Variants in ASB3 observed in about 807,000 individuals in gnomAD.
The protein encoded by ASB3 is ankyrin repeat and SOCS box protein 3.
In ASB3, 41 loss-of-function variants were observed where a neutral mutation model predicts 54.5. The ratio of observed to expected loss-of-function variants is 0.75; its 90% CI spans 0.59 to 0.98. ASB3 has a LOEUF of 0.98. Among genes scored for constraint, ASB3 ranks in the 50% least tolerant of loss-of-function variants. The pLI, the probability that ASB3 is intolerant of heterozygous loss-of-function variation, is 0.00. For missense variants in ASB3, 733 were observed against 620.0 expected (o/e 1.18, Z -1.94); for synonymous variants, 266 against 221.2 (o/e 1.20, Z -1.80).
At chr2:53,740,711 G>A (rs532016701) in intron 3 of ASB3, among the ~76,000 whole-genome samples, 5 of 152,230 alleles carry the variant, frequency 3.3e-5, no homozygotes, top group Admixed American at 2.0e-4. Context: ...ACGTTGTGGC[G>A]AATATCCCAA....
At chr2:53,710,603 C>G (rs540837065) in intron 7 of ASB3, among the ~76,000 whole-genome samples, 1 of 152,296 alleles carries the variant, frequency 6.6e-6, no homozygotes, top group South Asian at 2.1e-4. Flanking sequence ...ATTCTGAGTC[C>G]TGGGTCTTGT....
At chr2:53,745,685 G>T (rs1672184018) in intron 3 of ASB3, among the ~76,000 whole-genome samples, 1 of 152,162 alleles carries the variant, frequency 6.6e-6, no homozygotes. Flanking sequence ...CTAGCAATAG[G>T]CTAGTGCTAA....
Position 53,670,283 on chromosome 2 carries a change from A to G in ASB3, c.*220T>C. The G allele has an allele frequency of 2.3e-6, 1 of 437,804 alleles. No individual in the cohort carries two copies. Among genetic ancestry groups the G allele is most frequent in the South Asian group, 4.1e-5 (1 of 24,642 alleles). The allele number at this position is 437,804 out of a possible 1,614,324, so 27.1% of individuals were successfully genotyped here. A position where few individuals can be genotyped will look rare whatever the true frequency, so the allele number is the denominator to read the frequency against. On this transcript the variant is annotated 3_prime_UTR_variant, in exon 10 of 10. Coordinates refer to ENST00000263634, the MANE Select transcript of ASB3 (RefSeq NM_016115.5). Reference sequence around the variant, plus strand: ...AAGCTGCAATAAAGTAATATAAGTGATGTTTACAATTTTTTTTTTTTTTTT... The same window carrying G: ...AAGCTGCAATAAAGTAATATAAGTGGTGTTTACAATTTTTTTTTTTTTTTT...
At chr2:53,709,474 G>A (rs1270220737) in intron 7 of ASB3, among the ~76,000 whole-genome samples, 1 of 152,204 alleles carries the variant, frequency 6.6e-6, no homozygotes, top group Non-Finnish European at 1.5e-5. Flanking sequence ...ATACCAGAAA[G>A]AGGAGGGAAG....
chr2:53,784,687 T>C (rs1360093768), intron 1 of ASB3, among the ~76,000 whole-genome samples: 1 of 152,164 alleles, frequency 6.6e-6, no homozygotes, highest in African/African-American at 2.4e-5. Flanking sequence ...TCCCTGTGTG[T>C]CCATGTGTAT....
At chr2:53,747,427 T>A (rs1054701571) in intron 3 of ASB3, among the ~76,000 whole-genome samples, 1 of 152,082 alleles carries the variant, frequency 6.6e-6, no homozygotes, top group African/African-American at 2.4e-5. Context: ...GGGCTTGTAA[T>A]CCCAGCTACT....
intron 5 of ASB3, among the ~76,000 whole-genome samples, chr2:53,727,063 T>C (rs908093738): frequency 2.0e-5 from 3 of 152,134 alleles, no homozygotes; most frequent in African/African-American, 7.2e-5. Context: ...AGAAGGAAGA[T>C]CAGAAGTCAG....
At chr2:53,783,867 T>C (rs1674789202) in intron 1 of ASB3, among the ~76,000 whole-genome samples, 1 of 152,058 alleles carries the variant, frequency 6.6e-6, no homozygotes, top group Non-Finnish European at 1.5e-5. Context: ...CCCTACAAGG[T>C]GGGAAAAAAA....
chr2:53,680,055 C>T (rs900851678), intron 9 of ASB3, among the ~76,000 whole-genome samples: 4 of 152,158 alleles, frequency 2.6e-5, no homozygotes, highest in African/African-American at 9.7e-5. Flanking sequence ...CACCTCTGTT[C>T]CTGCAAAGGA....
intron 8 of ASB3, among the ~76,000 whole-genome samples, chr2:53,698,224 C>T (rs1669292384): frequency 6.6e-6 from 1 of 152,160 alleles, no homozygotes. Context: ...CCAATCTGAC[C>T]TCCTAGAGCC....
chr2:53,733,642 A>G (rs1051226491), intron 3 of ASB3, among the ~76,000 whole-genome samples: 4 of 152,086 alleles, frequency 2.6e-5, no homozygotes, highest in African/African-American at 9.7e-5. Flanking sequence ...GGGTTTCTCC[A>G]TTTTGGCCAG....
intron 9 of ASB3, among the ~76,000 whole-genome samples, chr2:53,673,905 C>CTGAG (rs1667949423): frequency 6.6e-6 from 1 of 152,194 alleles, no homozygotes; most frequent in South Asian, 2.1e-4. Flanking sequence ...TTCAGCTGAA[C>CTGAG]TGAGGGAGTG....
chr2:53,741,897 G>C (rs979121312), intron 3 of ASB3, among the ~76,000 whole-genome samples: 3 of 152,084 alleles, frequency 2.0e-5, no homozygotes, highest in African/African-American at 4.8e-5. Flanking sequence ...ATTTGTAAAA[G>C]GGGCTCCAAA....
intron 7 of ASB3, among the ~76,000 whole-genome samples, chr2:53,712,751 C>T (rs990580321): frequency 6.6e-6 from 1 of 151,834 alleles, no homozygotes; most frequent in African/African-American, 2.4e-5. Context: ...ATTGAACACA[C>T]ACACACACAC....
At chr2:53,745,864 A>T (rs1672194025) in intron 3 of ASB3, among the ~76,000 whole-genome samples, 1 of 152,232 alleles carries the variant, frequency 6.6e-6, no homozygotes, top group Admixed American at 6.5e-5. Context: ...TCTCACTTTA[A>T]GTCCAACTAG....
chr2:53,714,574 C>G lies in ASB3; in HGVS notation c.790G>C (p.Asp264His). Residue 264 changes from aspartate to histidine, a missense_variant, in exon 7 of 10, where the codon GAC becomes CAC. Transcript: ENST00000263634. Reference sequence around the variant, plus strand: ...CGGTTAGTAAGTGGTATTAACAAGTCCAAGATTCTATAAATACACAAATTC... The same window carrying G: ...CGGTTAGTAAGTGGTATTAACAAGTGCAAGATTCTATAAATACACAAATTC... Reference protein sequence around the residue: ...AAQMGHTKILDLLIPLTNRAC... With the variant: ...AAQMGHTKILHLLIPLTNRAC... 1 of 1,613,698 alleles carries G rather than the reference C, an allele frequency of 6.2e-7. No individual in the cohort carries two copies. Among genetic ancestry groups the G allele is most frequent in the Non-Finnish European group, 8.5e-7 (1 of 1,179,888 alleles).
At chr2:53,751,739 A>T (rs542941398) in intron 2 of ASB3, among the ~76,000 whole-genome samples, 1 of 152,294 alleles carries the variant, frequency 6.6e-6, no homozygotes, top group African/African-American at 2.4e-5. Context: ...CTAACTAGTT[A>T]TCTATTTTAA....
intron 1 of ASB3, among the ~76,000 whole-genome samples, chr2:53,785,335 C>A (rs1225050682): frequency 6.6e-6 from 1 of 152,092 alleles, no homozygotes; most frequent in African/African-American, 2.4e-5. Flanking sequence ...GCCCTAAATG[C>A]TAAAACAGGA....
chr2:53,732,234 T>G (rs1671361330), intron 3 of ASB3, among the ~76,000 whole-genome samples: 1 of 152,098 alleles, frequency 6.6e-6, no homozygotes, highest in Non-Finnish European at 1.5e-5. Context: ...GTGCTGGGAT[T>G]ATAGGCATGA....
Sources: gnomAD v4.1 joint callset for allele counts (sites outside exome capture counted in the v4.1 genomes callset) on GRCh38, gnomAD v4.1.1 for gene constraint, MANE v1.5 for transcripts, NCBI Gene and HGNC (gene_info 2026-07-23, HGNC 2026-07-21) for gene names.